Variants in CAMK2G observed in about 807,000 individuals in gnomAD.
CAMK2G encodes the protein calcium/calmodulin dependent protein kinase II gamma.
CAMK2G carries 23 observed loss-of-function variants against 88.7 expected under a neutral mutation model. The ratio of observed to expected loss-of-function variants is 0.26; its 90% CI spans 0.19 to 0.37. The LOEUF (loss-of-function observed/expected upper bound fraction) is 0.37, where lower values mean the gene tolerates loss of function less well. CAMK2G is among the 10% of genes least tolerant of loss of function. The pLI is 1.00. For synonymous variants in CAMK2G, 263 were observed against 294.8 expected, an observed-to-expected ratio of 0.89 and a Z score of 1.11; for missense variants, 476 against 780.8, an observed-to-expected ratio of 0.61 and a Z score of 4.65.
intron 2 of CAMK2G, among the ~76,000 whole-genome samples, chr10:73,866,811 G>A (rs930445534): frequency 5.9e-5 from 9 of 152,094 alleles, no homozygotes; most frequent in African/African-American, 1.7e-4. Context: ...CAAGGACATC[G>A]CAGGGATTTG....
chr10:73,838,697 A>G (rs2093481096), intron 13 of CAMK2G, among the ~76,000 whole-genome samples: 1 of 152,072 alleles, frequency 6.6e-6, no homozygotes, highest in African/African-American at 2.4e-5. Context: ...CTGGGTTTGA[A>G]TGTTGTTTTT....
chr10:73,844,952 T>C (rs896186390), intron 10 of CAMK2G, among the ~76,000 whole-genome samples: 6 of 152,308 alleles, frequency 3.9e-5, no homozygotes, highest in Admixed American at 3.3e-4. Context: ...TGAGACCCCC[T>C]GTTTCTTAGC....
intron 15 of CAMK2G, 73 bp from the exon 16 acceptor site, chr10:73,825,420 C>T: frequency 8.5e-7 from 1 of 1,174,244 alleles, no homozygotes; most frequent in Non-Finnish European, 1.3e-6. Flanking sequence ...CCCAGACCTC[C>T]CTTGCCCCCT....
At chr10:73,868,327 C>T (rs1456714520) in intron 2 of CAMK2G, among the ~76,000 whole-genome samples, 1 of 152,164 alleles carries the variant, frequency 6.6e-6, no homozygotes, top group Admixed American at 6.5e-5. Context: ...CCTCCATCCC[C>T]ACACCATGAT....
Position 73,842,335 on chromosome 10 carries a change from A to G in CAMK2G, c.903+123T>C. On this transcript the variant is annotated intron_variant, in intron 11 of 22. Coordinates refer to ENST00000423381, the MANE Select transcript of CAMK2G (RefSeq NM_001367534.1). This position sits in a 1 kb window ranked among gnomAD's most constrained non-coding sequence, Gnocchi z 4.6. ...AGGCCTCTGGGCCCCCTCCCCTGTGACATGTACAACCTTCAGAGCCCAGCT... is the reference window on the plus strand; with the variant it reads ...AGGCCTCTGGGCCCCCTCCCCTGTGGCATGTACAACCTTCAGAGCCCAGCT... 1 of 1,139,638 alleles carries G rather than the reference A, an allele frequency of 8.8e-7. No homozygotes were observed. The highest frequency in any genetic ancestry group is 1.3e-6 in the Non-Finnish European group (1 of 749,548). The allele number at this position is 1,139,638 out of a possible 1,614,324, so 70.6% of individuals were successfully genotyped here. A position where few individuals can be genotyped will look rare whatever the true frequency, so the allele number is the denominator to read the frequency against.
chr10:73,855,171 G>C (rs1455392444), intron 3 of CAMK2G, among the ~76,000 whole-genome samples: 1 of 152,116 alleles, frequency 6.6e-6, no homozygotes, highest in Non-Finnish European at 1.5e-5. Flanking sequence ...AAGTCCTCTC[G>C]AAGTCCTGCC....
chr10:73,862,210 T>C (rs2095408791), intron 2 of CAMK2G, among the ~76,000 whole-genome samples: 1 of 151,074 alleles, frequency 6.6e-6, no homozygotes, highest in South Asian at 2.1e-4. Flanking sequence ...TCCCTCTTTC[T>C]ACTTGCTGAA....
At chr10:73,837,209 C>A in intron 14 of CAMK2G, 1 of 492,344 alleles carries the variant, frequency 2.0e-6, no homozygotes, top group Non-Finnish European at 3.7e-6. Context: ...AGTCAGGTTC[C>A]GGATTCAGCT....
intron 16 of CAMK2G, 98 bp from the exon 17 acceptor site, chr10:73,824,182 A>C: frequency 1.2e-6 from 1 of 851,156 alleles, no homozygotes; most frequent in East Asian, 2.5e-5. Context: ...CGCAGACCCT[A>C]TGATGACCAC....
chr10:73,846,376 CA>C (rs773034950), intron 10 of CAMK2G: 4 of 152,238 alleles, frequency 2.6e-5, no homozygotes, highest in Non-Finnish European at 5.9e-5. Flanking sequence ...AGAACAAGCA[CA>C]GGGGTGTCAC....
At chr10:73,820,492 A>AT (rs1166533591) in intron 18 of CAMK2G, among the ~76,000 whole-genome samples, 3,585 of 51,060 alleles carry the variant, frequency 0.07, 318 homozygotes, top group Non-Finnish European at 0.082. Flanking sequence ...ATATATATAT[A>AT]TTTTTTTTTT....
chr10:73,857,653 G>C (rs1438081821), intron 3 of CAMK2G, among the ~76,000 whole-genome samples: 2 of 152,176 alleles, frequency 1.3e-5, no homozygotes, highest in Admixed American at 1.3e-4. Flanking sequence ...GAAACTGCTG[G>C]GGCAGCTCAG....
chr10:73,825,822 A>G (rs1179863452), intron 15 of CAMK2G, among the ~76,000 whole-genome samples: 1 of 152,238 alleles, frequency 6.6e-6, no homozygotes, highest in African/African-American at 2.4e-5. Flanking sequence ...AGCCTGAAAC[A>G]AAGAGGAAGG....
chr10:73,851,182 C>T (rs2094585310), intron 5 of CAMK2G, among the ~76,000 whole-genome samples: 1 of 152,252 alleles, frequency 6.6e-6, no homozygotes, highest in African/African-American at 2.4e-5. Flanking sequence ...GAGGAAGCTG[C>T]ACTCCCCCAC....
chr10:73,819,623 A>C lies in CAMK2G; in HGVS notation c.1272T>G (p.Asn424Lys), dbSNP rs1438605239. The C allele has an allele frequency of 6.5e-7, 1 of 1,544,896 alleles. No individual in the cohort carries two copies. Among genetic ancestry groups the C allele is most frequent in the Non-Finnish European group, 8.7e-7 (1 of 1,146,556 alleles). The change falls in exon 19 of 23, where the codon AAT becomes AAG. Residue 424 changes from asparagine to lysine, a missense_variant. Transcript: ENST00000423381. ...DLKAAPLRTG[N>K]GSSVPEGRSS... ...TCCGTCCTTCAGGCACCGAGCTGCC[A>C]TTCCCAGTGCGGAGCGGGGCAGCTA...
At chr10:73,828,993 G>T (rs1270462730) in intron 14 of CAMK2G, among the ~76,000 whole-genome samples, 1 of 152,154 alleles carries the variant, frequency 6.6e-6, no homozygotes, top group Non-Finnish European at 1.5e-5. Context: ...TAGCTCACTG[G>T]GGGTAAGGTC....
chr10:73,830,246 A>G (rs1298291967), intron 14 of CAMK2G, among the ~76,000 whole-genome samples: 2 of 152,196 alleles, frequency 1.3e-5, no homozygotes, highest in African/African-American at 4.8e-5. Flanking sequence ...CTGAACCAGC[A>G]CACTACCACA....
At chr10:73,846,127 C>A (rs1590735276) in intron 10 of CAMK2G, among the ~76,000 whole-genome samples, 1 of 152,170 alleles carries the variant, frequency 6.6e-6, no homozygotes, top group African/African-American at 2.4e-5. Flanking sequence ...ATGCAAATTT[C>A]ATTCTTCTTT....
intron 10 of CAMK2G, among the ~76,000 whole-genome samples, chr10:73,845,322 C>G (rs2094148793): frequency 6.6e-6 from 1 of 152,114 alleles, no homozygotes; most frequent in Admixed American, 6.5e-5. Flanking sequence ...GTGGCTCATG[C>G]CTGTAATCTC....
Sources: gnomAD v4.1 joint callset for allele counts (sites outside exome capture counted in the v4.1 genomes callset) on GRCh38, gnomAD v4.1.1 for gene constraint, Gnocchi (gnomAD v3.1) non-coding constraint, MANE v1.5 for transcripts, NCBI Gene and HGNC (gene_info 2026-07-23, HGNC 2026-07-21) for gene names.